TSPAN18: variants seen among roughly 807,000 people sequenced by gnomAD.
The protein encoded by TSPAN18 is tetraspanin-18.
In TSPAN18, 14 loss-of-function variants were observed where a neutral mutation model predicts 27.3. The ratio of observed to expected loss-of-function variants is 0.51; its 90% confidence interval spans 0.34 to 0.80. TSPAN18 has a LOEUF of 0.80. TSPAN18 is among the 30% of genes least tolerant of loss of function. The pLI, the probability that TSPAN18 is intolerant of heterozygous loss-of-function variation, is 0.01. For synonymous variants in TSPAN18, 143 were observed against 136.5 expected, an observed-to-expected ratio of 1.05 and a Z score of -0.33; for missense variants, 268 against 323.9, an observed-to-expected ratio of 0.83 and a Z score of 1.32.
intron 8 of TSPAN18, 87 bp from the exon 9 acceptor site, chr11:44,926,587 T>TGA: frequency 6.5e-6 from 8 of 1,230,990 alleles, no homozygotes; most frequent in Non-Finnish European, 9.6e-6. Context: ...TGGGGACACC[T>TGA]GCCATGAACC....
intron 2 of TSPAN18, among the ~76,000 whole-genome samples, chr11:44,844,200 T>C (rs1857433688): frequency 6.6e-6 from 1 of 152,230 alleles, no homozygotes; most frequent in Admixed American, 6.5e-5. Context: ...GGTCCCTCTG[T>C]TTGGGGTCCC....
chr11:44,925,755 AAAGG>A (rs1258994024), intron 8 of TSPAN18: 1 of 152,032 alleles, frequency 6.6e-6, no homozygotes, highest in Non-Finnish European at 1.5e-5. Flanking sequence ...AGGCTCCTAT[AAAGG>A]AAGGAAAGTT....
intron 3 of TSPAN18, among the ~76,000 whole-genome samples, chr11:44,867,984 T>G (rs1444830866): frequency 6.6e-6 from 1 of 152,146 alleles, no homozygotes; most frequent in African/African-American, 2.4e-5. Flanking sequence ...CCTGAGAAGA[T>G]GGCAGGGAGG....
At chr11:44,818,251 C>T (rs1018780934) in intron 2 of TSPAN18, among the ~76,000 whole-genome samples, 11 of 152,224 alleles carry the variant, frequency 7.2e-5, no homozygotes, top group Non-Finnish European at 1.5e-4. Flanking sequence ...AAGCCCATTT[C>T]CCTCCACGGC....
chr11:44,728,113 C>T (rs982013397), intron 1 of TSPAN18, among the ~76,000 whole-genome samples: 1 of 152,210 alleles, frequency 6.6e-6, no homozygotes, highest in Non-Finnish European at 1.5e-5. Context: ...AGACACCCAA[C>T]TTACGCGGGG....
chr11:44,905,560 A>C (rs1480810306), intron 3 of TSPAN18, among the ~76,000 whole-genome samples: 1 of 152,232 alleles, frequency 6.6e-6, no homozygotes, highest in East Asian at 1.9e-4. Context: ...GAATGTAAAC[A>C]TGTCTTGTGC....
intron 1 of TSPAN18, among the ~76,000 whole-genome samples, chr11:44,733,730 C>T (rs976781620): frequency 7.2e-5 from 11 of 152,046 alleles, no homozygotes; most frequent in African/African-American, 2.7e-4. Context: ...AATTTGGGAC[C>T]CACATTTGGG....
chr11:44,829,459 C>CT (rs1857110721), intron 2 of TSPAN18, among the ~76,000 whole-genome samples: 1 of 152,152 alleles, frequency 6.6e-6, no homozygotes, highest in African/African-American at 2.4e-5. Flanking sequence ...TTTAGACAGG[C>CT]TTTTTTCACT....
At chr11:44,775,033 C>G (rs990472413) in intron 2 of TSPAN18, among the ~76,000 whole-genome samples, 3 of 152,088 alleles carry the variant, frequency 2.0e-5, no homozygotes, top group Non-Finnish European at 2.9e-5. Context: ...AGATTCCTTC[C>G]TGGGCATCAC....
At chr11:44,805,188 A>G (rs835817) in intron 2 of TSPAN18, among the ~76,000 whole-genome samples, 147,048 of 152,254 alleles carry the variant, frequency 0.97, 71,246 homozygotes, top group East Asian at 1. Flanking sequence ...TCATAAAGAC[A>G]AATCAATGCC....
chr11:44,798,493 A>T (rs1044677197), intron 2 of TSPAN18, among the ~76,000 whole-genome samples: 9 of 152,178 alleles, frequency 5.9e-5, no homozygotes, highest in African/African-American at 1.9e-4. Context: ...AAGCTTAACC[A>T]CTGCCCTGTC....
Position 44,760,410 on chromosome 11 carries a change from G to C in TSPAN18, c.-239-4016G>C, listed in dbSNP as rs74533843. On this transcript the variant is annotated intron_variant, in intron 1 of 9. Coordinates refer to ENST00000520358, the MANE Select transcript of TSPAN18 (RefSeq NM_130783.5). ...TGCTTTGGGACACATGAGGTGAATAGAATCAGTAGCTGGGAAATAGACAAG... is the reference window on the plus strand; with the variant it reads ...TGCTTTGGGACACATGAGGTGAATACAATCAGTAGCTGGGAAATAGACAAG... 2.5e-3 allele frequency among the ~76,000 whole-genome samples: 374 copies of C among 152,338 alleles called. 3 individuals carry two copies. Among genetic ancestry groups the C allele is most frequent in the African/African-American group, 8.6e-3 (358 of 41,578 alleles).
intron 5 of TSPAN18, among the ~76,000 whole-genome samples, chr11:44,910,661 G>C (rs1859674875): frequency 6.6e-6 from 1 of 152,208 alleles, no homozygotes; most frequent in African/African-American, 2.4e-5. Context: ...TTCTGAAACG[G>C]TATGATATGG....
intron 2 of TSPAN18, among the ~76,000 whole-genome samples, chr11:44,782,740 T>C (rs2100059): frequency 0.64 from 96,745 of 152,046 alleles, 32,332 homozygotes; most frequent in South Asian, 0.78. Flanking sequence ...CTGGTTTTAA[T>C]TTGTACTTCC....
intron 2 of TSPAN18, among the ~76,000 whole-genome samples, chr11:44,790,362 C>T (rs918505956): frequency 1.5e-5 from 2 of 136,830 alleles, no homozygotes; most frequent in Admixed American, 7.3e-5. Flanking sequence ...TGTGTGGGTG[C>T]GTGCATGTTT....
intron 2 of TSPAN18, among the ~76,000 whole-genome samples, chr11:44,775,945 C>G (rs1026809620): frequency 7.2e-5 from 11 of 152,120 alleles, no homozygotes; most frequent in African/African-American, 2.7e-4. Context: ...GTAGAAAACT[C>G]GTTTTGATTC....
intron 2 of TSPAN18, among the ~76,000 whole-genome samples, chr11:44,812,605 C>A (rs1856741884): frequency 6.6e-6 from 1 of 152,142 alleles, no homozygotes; most frequent in Non-Finnish European, 1.5e-5. Flanking sequence ...TAGTCTGGTT[C>A]CTAGAGAATG....
At chr11:44,791,918 T>C (rs1380496694) in intron 2 of TSPAN18, among the ~76,000 whole-genome samples, 1 of 152,168 alleles carries the variant, frequency 6.6e-6, no homozygotes, top group Non-Finnish European at 1.5e-5. Flanking sequence ...GGGGCTAGCA[T>C]TTTATTTGTT....
chr11:44,821,979 A>G (rs1230882096), intron 2 of TSPAN18, among the ~76,000 whole-genome samples: 1 of 152,120 alleles, frequency 6.6e-6, no homozygotes, highest in African/African-American at 2.4e-5. Flanking sequence ...GCTTCTGAGG[A>G]TGGCTGGGGG....
Sources: allele counts gnomAD v4.1 joint callset (sites outside exome capture counted in the v4.1 genomes callset), GRCh38; gene constraint gnomAD v4.1.1; transcripts MANE v1.5; gene names NCBI Gene and HGNC (gene_info 2026-07-23, HGNC 2026-07-21).